The following TLN2 variants were observed in gnomAD, a reference collection of about 807,000 sequenced individuals.
The protein encoded by TLN2 is talin 2.
Under a neutral mutation model 294.7 loss-of-function variants are expected in TLN2, and 118 were observed. The observed-to-expected ratio is 0.40, with a 90% CI of 0.34 to 0.47. The LOEUF (loss-of-function observed/expected upper bound fraction) is 0.47, where lower values mean the gene tolerates loss of function less well. Ranked by LOEUF, TLN2 falls within the 20% of genes least tolerant of loss-of-function variation. The pLI is 0.84. For synonymous variants in TLN2, 1,431 were observed against 1,304.5 expected (o/e 1.10, Z -2.09); for missense variants, 3,083 against 3,282.2 (o/e 0.94, Z 1.48).
At chr15:62,651,765 A>T (rs2052611262) in intron 5 of TLN2, among the ~76,000 whole-genome samples, 1 of 152,210 alleles carries the variant, frequency 6.6e-6, no homozygotes, top group Non-Finnish European at 1.5e-5. Context: ...GAAATGCAGC[A>T]ATAACAGAGA....
chr15:62,625,424 A>T (rs2049194821), intron 3 of TLN2, among the ~76,000 whole-genome samples: 1 of 152,152 alleles, frequency 6.6e-6, no homozygotes, highest in South Asian at 2.1e-4. Flanking sequence ...GACCAAATTA[A>T]TTCATCCTTG....
At chr15:62,659,278 C>T (rs915718352) in intron 9 of TLN2, among the ~76,000 whole-genome samples, 1 of 152,164 alleles carries the variant, frequency 6.6e-6, no homozygotes, top group African/African-American at 2.4e-5. Flanking sequence ...AGGTTCTCCG[C>T]AAATAGCTTC....
At chr15:62,754,069 A>G (rs1276630364) in intron 36 of TLN2, 153 bp downstream of exon 36, 38 of 1,087,056 alleles carry the variant, frequency 3.5e-5, no homozygotes, top group Non-Finnish European at 2.4e-6. Context: ...CTCAGGTGGG[A>G]GCAAATATTG....
In TLN2 at chr15:62,842,068, C is replaced by G. The variant is rs189679646; in HGVS notation, c.*1458C>G. 1.3e-3 allele frequency: 198 copies of G among 152,212 alleles called. 1 individual carries two copies. The highest frequency in any genetic ancestry group is 4.6e-3 in the African/African-American group (190 of 41,514). 9.4% of individuals were successfully genotyped at this position (152,212 alleles called of 1,614,324 possible). On this transcript the variant is annotated 3_prime_UTR_variant, in exon 59 of 59. Coordinates refer to ENST00000636159, the MANE Select transcript of TLN2 (RefSeq NM_015059.3). ...ACGGGGGAAAGTTGGTGCTTTGGTC[C>G]TCCGAAGATGTCACCTTTCGACCTT...
At chr15:62,800,296 G>T in intron 48 of TLN2, 72 bp from the exon 49 acceptor site, 1 of 1,569,556 alleles carries the variant, frequency 6.4e-7, no homozygotes. Context: ...CTGCCCTCAG[G>T]CTGCATGCCT....
chr15:62,792,607 C>T, intron 45 of TLN2, 34 bp from the exon 46 acceptor site: 1 of 1,606,960 alleles, frequency 6.2e-7, no homozygotes, highest in African/African-American at 1.3e-5. Flanking sequence ...GTCCATCACG[C>T]TTCTCCTTCC....
At chr15:62,434,925 C>T (rs1444410556) in intron 1 of TLN2, among the ~76,000 whole-genome samples, 1 of 152,188 alleles carries the variant, frequency 6.6e-6, no homozygotes, top group African/African-American at 2.4e-5. Flanking sequence ...CTCTCCTTTC[C>T]ACCCCCAGAC....
chr15:62,537,889 C>T (rs1245076345), intron 1 of TLN2, among the ~76,000 whole-genome samples: 1 of 152,150 alleles, frequency 6.6e-6, no homozygotes, highest in Non-Finnish European at 1.5e-5. Context: ...TGCCCATTCC[C>T]TCATTCTGCC....
intron 9 of TLN2, among the ~76,000 whole-genome samples, chr15:62,671,637 GTGTATCTGT>G (rs2055438711): frequency 6.6e-6 from 1 of 152,174 alleles, no homozygotes; most frequent in Non-Finnish European, 1.5e-5. Flanking sequence ...CTATTGACCT[GTGTATCTGT>G]TCTTACATCA....
chr15:62,558,846 C>T (rs1440079093), intron 1 of TLN2, among the ~76,000 whole-genome samples: 1 of 152,154 alleles, frequency 6.6e-6, no homozygotes, highest in Admixed American at 6.5e-5. Context: ...TGAGAAGCAT[C>T]TAAAGCTGTC....
At chr15:62,577,233 C>T (rs951379569) in intron 1 of TLN2, among the ~76,000 whole-genome samples, 7 of 152,016 alleles carry the variant, frequency 4.6e-5, no homozygotes, top group African/African-American at 9.7e-5. Context: ...CACCTGAGGT[C>T]GGGCATTCGA....
rs538485872 is a variant in TLN2 at position 62,414,720 on chromosome 15, A to T, written c.-238+24035A>T. Among the ~76,000 whole-genome samples, 20 of 140,416 alleles carry T rather than the reference A, an allele frequency of 1.4e-4. 3 individuals are homozygous for T. Among genetic ancestry groups the T allele is most frequent in the African/African-American group, 5.1e-4 (20 of 39,406 alleles). 92.1% of individuals were successfully genotyped at this position (140,416 alleles called of 152,430 possible). A position where few individuals can be genotyped will look rare whatever the true frequency, so the allele number is the denominator to read the frequency against. On this transcript the variant is annotated intron_variant, in intron 1 of 58. Coordinates refer to ENST00000636159, the MANE Select transcript of TLN2 (RefSeq NM_015059.3). ...TGTTCTGGTAACACAAGCCAAGTTG[A>T]TGGGGGTAAATAAAGTTAGATTTCC...
chr15:62,613,461 T>C (rs1005730591), intron 2 of TLN2, among the ~76,000 whole-genome samples: 1 of 152,178 alleles, frequency 6.6e-6, no homozygotes, highest in Non-Finnish European at 1.5e-5. Context: ...ATGGAACTCA[T>C]GTACACTGCT....
At chr15:62,774,732 A>C (rs1315227330) in intron 42 of TLN2, among the ~76,000 whole-genome samples, 1 of 152,200 alleles carries the variant, frequency 6.6e-6, no homozygotes, top group Middle Eastern at 3.2e-3. Context: ...GGGATAGCCA[A>C]GAGCAAGGAT....
chr15:62,824,591 TCTCA>T (rs2067869308), intron 54 of TLN2, among the ~76,000 whole-genome samples: 1 of 152,182 alleles, frequency 6.6e-6, no homozygotes, highest in Non-Finnish European at 1.5e-5. Context: ...ACTAAATATA[TCTCA>T]TGAAGGTAAT....
In TLN2 at chr15:62,506,543, G is replaced by C. The variant is rs562366235; in HGVS notation, c.-237-83144G>C. 2.6e-5 allele frequency among the ~76,000 whole-genome samples: 4 copies of C among 152,336 alleles called. No homozygotes were observed. The East Asian group carries it at 7.7e-4, about 29-fold the overall frequency. On this transcript the variant is annotated intron_variant, in intron 1 of 58. Coordinates refer to ENST00000636159, the MANE Select transcript of TLN2 (RefSeq NM_015059.3). Reference sequence around the variant, plus strand: ...GCAAAGATGAGAGCCCTCCTGCCAGGAGATCCTTTAGTTTGTTTCTGGAGC... The same window carrying C: ...GCAAAGATGAGAGCCCTCCTGCCAGCAGATCCTTTAGTTTGTTTCTGGAGC...
At chr15:62,806,460 C>T (rs1406263369) in intron 51 of TLN2, among the ~76,000 whole-genome samples, 3 of 152,156 alleles carry the variant, frequency 2.0e-5, no homozygotes, top group Non-Finnish European at 4.4e-5. Flanking sequence ...CCCTTGTTTA[C>T]CCCCATAGGT....
chr15:62,771,186 G>C, intron 42 of TLN2, 52 bp downstream of exon 42: 1 of 1,521,630 alleles, frequency 6.6e-7, no homozygotes, highest in Non-Finnish European at 8.9e-7. Context: ...AAGCCATCAT[G>C]CATTCCTGCT....
chr15:62,600,089 C>T (rs1303902045), intron 2 of TLN2, among the ~76,000 whole-genome samples: 1 of 152,070 alleles, frequency 6.6e-6, no homozygotes, highest in African/African-American at 2.4e-5. Flanking sequence ...GTGGGATTTC[C>T]CGCTGAGTTG....
Sources: gnomAD v4.1 joint callset for allele counts (sites outside exome capture counted in the v4.1 genomes callset) on GRCh38, gnomAD v4.1.1 for gene constraint, MANE v1.5 for transcripts, NCBI Gene and HGNC (gene_info 2026-07-23, HGNC 2026-07-21) for gene names.